Variants in CRISPLD2 observed in about 807,000 individuals in gnomAD.
CRISPLD2 encodes cysteine-rich secretory protein LCCL domain-containing 2.
A neutral mutation model predicts 71.1 loss-of-function variants in CRISPLD2; 47 were observed. The ratio of observed to expected loss-of-function variants is 0.66; its 90% CI spans 0.52 to 0.84. CRISPLD2 has a LOEUF of 0.84. CRISPLD2 is among the 40% of genes least tolerant of loss of function. The pLI, the probability that CRISPLD2 is intolerant of heterozygous loss-of-function variation, is 0.00. For synonymous variants in CRISPLD2, 317 were observed against 250.1 expected, an observed-to-expected ratio of 1.27 and a Z score of -2.52; for missense variants, 830 against 651.1, an observed-to-expected ratio of 1.27 and a Z score of -2.99.
chr16:84,841,238 G>A (rs1329483477), intron 2 of CRISPLD2, among the ~76,000 whole-genome samples: 1 of 152,246 alleles, frequency 6.6e-6, no homozygotes, highest in Non-Finnish European at 1.5e-5. Flanking sequence ...GTTAAGACCT[G>A]AAGAGTGAGC....
At position 84,838,445 on chromosome 16, in the gene CRISPLD2, G is replaced by A. The variant is rs1546124; in HGVS notation, c.-51G>A. 2.5e-6 allele frequency: 4 copies of A among 1,584,876 alleles called. No homozygotes were observed. The highest frequency in any genetic ancestry group is 2.2e-5 in the East Asian group (1 of 44,500). On this transcript the variant is annotated 5_prime_UTR_variant, in exon 2 of 15. Transcript: ENST00000262424. ...AGAGCTCAAGCGCCCAGCTCTGCCC[G>A]AGGAGCCCAGGCTGCCCCGTGAGTC...
intron 6 of CRISPLD2, among the ~76,000 whole-genome samples, chr16:84,856,618 T>C (rs1212288139): frequency 6.6e-6 from 1 of 152,154 alleles, no homozygotes; most frequent in African/African-American, 2.4e-5. Context: ...TCGTGAATAT[T>C]GGCTATGGGA....
intron 6 of CRISPLD2, among the ~76,000 whole-genome samples, chr16:84,857,561 G>T (rs780814230): frequency 6.6e-6 from 1 of 152,186 alleles, no homozygotes; most frequent in Non-Finnish European, 1.5e-5. Context: ...AAAGTGTACA[G>T]CCAGGTGCAC....
chr16:84,854,462 T>A (rs762615763), intron 5 of CRISPLD2, among the ~76,000 whole-genome samples: 4 of 152,162 alleles, frequency 2.6e-5, no homozygotes, highest in African/African-American at 7.2e-5. Context: ...GCCACGGGGC[T>A]GACAGCCAGC....
At chr16:84,882,546 A>G (rs1031819309) in intron 13 of CRISPLD2, among the ~76,000 whole-genome samples, 3 of 152,108 alleles carry the variant, frequency 2.0e-5, no homozygotes, top group Non-Finnish European at 2.9e-5. Context: ...CTGGGATTAC[A>G]GGCACCCGTC....
At chr16:84,904,352 AG>A (rs1026238485) in intron 14 of CRISPLD2, among the ~76,000 whole-genome samples, 1 of 85,664 alleles carries the variant, frequency 1.2e-5, no homozygotes. Flanking sequence ...TGGGAGGCCA[AG>A]GAGGGGAGGA....
chr16:84,832,025 A>G (rs1021272525), intron 1 of CRISPLD2, among the ~76,000 whole-genome samples: 3 of 152,374 alleles, frequency 2.0e-5, no homozygotes, highest in Non-Finnish European at 2.9e-5. Context: ...GTGAGCCGCC[A>G]TGTCCAGCCG....
At chr16:84,876,561 G>C (rs1238969134) in intron 11 of CRISPLD2, among the ~76,000 whole-genome samples, 1 of 151,458 alleles carries the variant, frequency 6.6e-6, no homozygotes, top group African/African-American at 2.4e-5. Flanking sequence ...GGGAGGCTGA[G>C]GCAGGTGGAT....
At chr16:84,866,857 C>T in intron 6 of CRISPLD2, 40 bp from the exon 7 acceptor site, 1 of 1,592,554 alleles carries the variant, frequency 6.3e-7, no homozygotes. Flanking sequence ...TTTGTTGAAT[C>T]CCAGTGTGTT....
intron 5 of CRISPLD2, among the ~76,000 whole-genome samples, chr16:84,851,164 A>G (rs1917079167): frequency 6.6e-6 from 1 of 152,168 alleles, no homozygotes; most frequent in Non-Finnish European, 1.5e-5. Flanking sequence ...CAGTATGATT[A>G]TTTTTCTCTG....
At chr16:84,868,438 G>A (rs908002565) in intron 7 of CRISPLD2, among the ~76,000 whole-genome samples, 1 of 152,200 alleles carries the variant, frequency 6.6e-6, no homozygotes, top group South Asian at 2.1e-4. Flanking sequence ...CGGCCCCACA[G>A]GCTCGGAGCA....
chr16:84,890,707 A>G (rs1293968018), intron 14 of CRISPLD2, among the ~76,000 whole-genome samples: 1 of 151,900 alleles, frequency 6.6e-6, no homozygotes. Context: ...AGGCAGGAGA[A>G]TCACTTGAAC....
In CRISPLD2 at chr16:84,838,421, G is replaced by GCCC; in HGVS notation, c.-74-1_-74insCCC. Reference sequence around the variant, plus strand: ...TCCCACCACCCTCTGCTTCCTTTCAGAGCTCAAGCGCCCAGCTCTGCCCGA... The same window carrying GCCC: ...TCCCACCACCCTCTGCTTCCTTTCAGCCCAGCTCAAGCGCCCAGCTCTGCCCGA... On this transcript the variant is annotated splice_region_variant and 5_prime_UTR_variant. Transcript: ENST00000262424. 6.5e-7 allele frequency: 1 copy of GCCC among 1,550,156 alleles called. No homozygotes were observed. Among genetic ancestry groups the GCCC allele is most frequent in the Non-Finnish European group, 8.7e-7 (1 of 1,147,030 alleles).
intron 13 of CRISPLD2, among the ~76,000 whole-genome samples, chr16:84,883,201 G>A (rs1270143782): frequency 1.3e-5 from 2 of 152,238 alleles, no homozygotes; most frequent in Non-Finnish European, 2.9e-5. Flanking sequence ...GTTCTTTTCT[G>A]GCCTCAGTTT....
intron 1 of CRISPLD2, among the ~76,000 whole-genome samples, chr16:84,830,774 T>G (rs1277135112): frequency 6.6e-6 from 1 of 152,162 alleles, no homozygotes; most frequent in African/African-American, 2.4e-5. Flanking sequence ...ACTTTTGACT[T>G]TTTTCCTGCA....
intron 13 of CRISPLD2, among the ~76,000 whole-genome samples, chr16:84,888,256 G>A (rs1365580186): frequency 4.6e-5 from 7 of 152,202 alleles, no homozygotes; most frequent in South Asian, 2.1e-4. Flanking sequence ...CAATTGGGCC[G>A]AGTGCAGTGG....
intron 5 of CRISPLD2, among the ~76,000 whole-genome samples, chr16:84,853,851 G>T (rs1239196694): frequency 2.6e-5 from 4 of 152,262 alleles, no homozygotes; most frequent in African/African-American, 4.8e-5. Context: ...GGAGACCGAG[G>T]CTGGGGCTGG....
intron 14 of CRISPLD2, among the ~76,000 whole-genome samples, chr16:84,898,279 A>G (rs2071723782): frequency 6.6e-6 from 1 of 152,126 alleles, no homozygotes. Flanking sequence ...TTCCTGTGTA[A>G]GGCTCCCCCG....
intron 2 of CRISPLD2, among the ~76,000 whole-genome samples, chr16:84,842,560 G>C (rs1916803389): frequency 6.6e-6 from 1 of 151,472 alleles, no homozygotes; most frequent in African/African-American, 2.4e-5. Flanking sequence ...TTCTGGTAGA[G>C]GCGGGGTTTC....
Sources: allele counts gnomAD v4.1 joint callset (sites outside exome capture counted in the v4.1 genomes callset), GRCh38; gene constraint gnomAD v4.1.1; transcripts MANE v1.5; gene names NCBI Gene and HGNC (gene_info 2026-07-23, HGNC 2026-07-21).